SMYD3: variants seen among roughly 807,000 people sequenced by gnomAD.
SMYD3 encodes the protein histone-lysine N-methyltransferase SMYD3.
Under a neutral mutation model 57.7 loss-of-function variants are expected in SMYD3, and 36 were observed. The observed-to-expected ratio is 0.62, with a 90% CI of 0.48 to 0.82. The LOEUF (loss-of-function observed/expected upper bound fraction) is 0.82. Among genes scored for constraint, SMYD3 ranks in the 40% least tolerant of loss-of-function variants. SMYD3 has a pLI of 0.00. For missense variants in SMYD3, 515 were observed against 538.8 expected (o/e 0.96, Z 0.44); for synonymous variants, 211 against 195.0 (o/e 1.08, Z -0.68).
chr1:245,858,814 A>G, intron 9 of SMYD3, 144 bp from the exon 10 acceptor site: 2 of 784,466 alleles, frequency 2.5e-6, no homozygotes, highest in Non-Finnish European at 2.0e-6. Context: ...GCCTGAAAAC[A>G]CACTTGAGAA....
chr1:246,076,735 CA>C (rs906526907), intron 5 of SMYD3, among the ~76,000 whole-genome samples: 1 of 144,482 alleles, frequency 6.9e-6, no homozygotes. Flanking sequence ...GAAAACAGAA[CA>C]AAAAAAATGA....
intron 10 of SMYD3, among the ~76,000 whole-genome samples, chr1:245,824,275 G>C (rs1572443719): frequency 1.3e-5 from 2 of 152,364 alleles, no homozygotes; most frequent in East Asian, 3.9e-4. Context: ...CACGAAGGAA[G>C]AGATGCTTTG....
intron 5 of SMYD3, among the ~76,000 whole-genome samples, chr1:246,092,171 T>G (rs1036081712): frequency 1.3e-5 from 2 of 152,202 alleles, no homozygotes; most frequent in Non-Finnish European, 2.9e-5. Context: ...TTATAAGGCA[T>G]AATCTTACTT....
At chr1:245,766,981 G>A (rs576288084) in intron 10 of SMYD3, among the ~76,000 whole-genome samples, 1 of 152,298 alleles carries the variant, frequency 6.6e-6, no homozygotes, top group South Asian at 2.1e-4. Context: ...TGCGGGCCTG[G>A]TTGGTTTCTG....
At chr1:246,460,716 T>C (rs147154454) in intron 1 of SMYD3, among the ~76,000 whole-genome samples, 135 of 152,360 alleles carry the variant, frequency 8.9e-4, no homozygotes, top group African/African-American at 3.2e-3. Context: ...CTAGTTTATG[T>C]TGATTTCATA....
Position 246,290,917 on chromosome 1 carries a change from G to A in SMYD3, c.531+36284C>T, listed in dbSNP as rs542410435. On this transcript the variant is annotated intron_variant, in intron 5 of 11. Coordinates refer to ENST00000490107, the MANE Select transcript of SMYD3 (RefSeq NM_001167740.2). ...TAATAATTTATAAGCCAGCTCCTGAGGTTATATATTTATTTTAAAACATGC... is the reference window on the plus strand; with the variant it reads ...TAATAATTTATAAGCCAGCTCCTGAAGTTATATATTTATTTTAAAACATGC... Among the ~76,000 whole-genome samples, 9 of 152,032 alleles carry A rather than the reference G, an allele frequency of 5.9e-5. 1 individual carries two copies. Among genetic ancestry groups the A allele is most frequent in the African/African-American group, 2.2e-4 (9 of 41,466 alleles).
intron 5 of SMYD3, among the ~76,000 whole-genome samples, chr1:246,081,402 C>CT (rs994402130): frequency 7.3e-5 from 11 of 151,556 alleles, no homozygotes; most frequent in South Asian, 2.1e-4. Context: ...TTCTTTTTTT[C>CT]TTTTTTTTGA....
intron 1 of SMYD3, among the ~76,000 whole-genome samples, chr1:246,426,738 T>C (rs1218120292): frequency 6.6e-6 from 1 of 152,210 alleles, no homozygotes; most frequent in Non-Finnish European, 1.5e-5. Context: ...ATATTCTTAG[T>C]GTCTTCCTAA....
chr1:246,374,867 C>T (rs780783736), intron 1 of SMYD3, among the ~76,000 whole-genome samples: 14 of 151,382 alleles, frequency 9.2e-5, no homozygotes, highest in Non-Finnish European at 1.9e-4. Context: ...CCGAGGCAGG[C>T]GGATCACCTG....
chr1:246,208,147 G>C (rs2063029240), intron 5 of SMYD3, among the ~76,000 whole-genome samples: 1 of 152,038 alleles, frequency 6.6e-6, no homozygotes, highest in Non-Finnish European at 1.5e-5. Flanking sequence ...TATCTCATAG[G>C]CTAAATCAAA....
At chr1:245,946,138 C>A (rs1489750330) in intron 5 of SMYD3, among the ~76,000 whole-genome samples, 2 of 152,124 alleles carry the variant, frequency 1.3e-5, no homozygotes, top group Non-Finnish European at 2.9e-5. Context: ...AAGGAAACAG[C>A]ACAGCAATAT....
At chr1:246,073,487 C>T (rs1342056869) in intron 5 of SMYD3, among the ~76,000 whole-genome samples, 16 of 152,020 alleles carry the variant, frequency 1.1e-4, no homozygotes, top group African/African-American at 2.2e-4. Context: ...GAGGCCAAGG[C>T]GGGCAGATCG....
chr1:245,933,035 A>T (rs952694535), intron 5 of SMYD3, among the ~76,000 whole-genome samples: 8 of 152,226 alleles, frequency 5.3e-5, no homozygotes, highest in African/African-American at 9.6e-5. Flanking sequence ...GCAACAGTGG[A>T]TATGCAGAAG....
chr1:246,271,795 A>G (rs1175680744), intron 5 of SMYD3, among the ~76,000 whole-genome samples: 1 of 152,216 alleles, frequency 6.6e-6, no homozygotes, highest in East Asian at 1.9e-4. Context: ...AAGATTCCAT[A>G]TAAATTTTAG....
intron 1 of SMYD3, among the ~76,000 whole-genome samples, chr1:246,393,766 G>T (rs1043277837): frequency 6.6e-6 from 1 of 151,946 alleles, no homozygotes; most frequent in African/African-American, 2.4e-5. Context: ...TGAGGTAGGA[G>T]GACTGCTTGA....
intron 1 of SMYD3, among the ~76,000 whole-genome samples, chr1:246,382,052 C>G: frequency 6.6e-6 from 1 of 151,492 alleles, no homozygotes; most frequent in African/African-American, 2.4e-5. Context: ...TGGGATCCAG[C>G]CTCCAGGCCA....
chr1:245,839,377 G>T (rs1050441809), intron 10 of SMYD3, among the ~76,000 whole-genome samples: 5 of 151,780 alleles, frequency 3.3e-5, no homozygotes, highest in East Asian at 1.9e-4. Flanking sequence ...CACCGTGTTA[G>T]CCAGGATGGT....
At chr1:246,441,061 A>C (rs2067455471) in intron 1 of SMYD3, among the ~76,000 whole-genome samples, 1 of 152,110 alleles carries the variant, frequency 6.6e-6, no homozygotes. Context: ...GTGACCCTTA[A>C]TCTCTGTTTT....
At chr1:246,346,359 G>A (rs901764045) in intron 2 of SMYD3, among the ~76,000 whole-genome samples, 2 of 152,032 alleles carry the variant, frequency 1.3e-5, no homozygotes, top group African/African-American at 2.4e-5. Context: ...ACTACTAAAG[G>A]CCTATTTACA....
Sources: gnomAD v4.1 joint callset for allele counts (sites outside exome capture counted in the v4.1 genomes callset) on GRCh38, gnomAD v4.1.1 for gene constraint, MANE v1.5 for transcripts, NCBI Gene and HGNC (gene_info 2026-07-23, HGNC 2026-07-21) for gene names.